RNF169: variants seen among roughly 807,000 people sequenced by gnomAD.
RNF169 encodes ring finger protein 169.
A neutral mutation model predicts 53.9 loss-of-function variants in RNF169; 24 were observed. That is an observed-to-expected ratio of 0.45 (90% CI 0.32 to 0.63). The LOEUF is 0.63. Ranked by LOEUF, RNF169 falls within the 20% of genes least tolerant of loss-of-function variation. The pLI is 0.04. For synonymous variants in RNF169, 396 were observed against 363.5 expected, an observed-to-expected ratio of 1.09 and a Z score of -1.02; for missense variants, 883 against 906.2, an observed-to-expected ratio of 0.97 and a Z score of 0.33.
chr11:74,760,058 A>T (rs2135310057), intron 1 of RNF169, among the ~76,000 whole-genome samples: 2 of 151,530 alleles, frequency 1.3e-5, no homozygotes, highest in East Asian at 3.9e-4. Flanking sequence ...TGTGTCGAGG[A>T]ATGTATCCAT....
intron 2 of RNF169, among the ~76,000 whole-genome samples, chr11:74,797,146 G>A (rs998227281): frequency 3.0e-4 from 45 of 152,218 alleles, no homozygotes; most frequent in African/African-American, 1.1e-3. Context: ...TTACTGAAGT[G>A]ATTAGTAGCT....
intron 1 of RNF169, among the ~76,000 whole-genome samples, chr11:74,766,298 A>G (rs970791555): frequency 6.6e-6 from 1 of 152,222 alleles, no homozygotes; most frequent in Non-Finnish European, 1.5e-5. Flanking sequence ...AGAATATGGG[A>G]AAACTGTGGG....
intron 1 of RNF169, among the ~76,000 whole-genome samples, chr11:74,756,106 C>T (rs965540083): frequency 1.3e-5 from 2 of 152,000 alleles, no homozygotes; most frequent in African/African-American, 4.8e-5. Flanking sequence ...GCAGTGTTAA[C>T]TTCAGTCATT....
intron 1 of RNF169, among the ~76,000 whole-genome samples, chr11:74,750,588 CTTTTTTTTT>C (rs71036015): frequency 5.3e-4 from 29 of 54,548 alleles, no homozygotes; most frequent in African/African-American, 2.2e-3. Flanking sequence ...CTCCCCTCAC[CTTTTTTTTT>C]TTTTTTTTTT....
At chr11:74,804,253 C>G (rs914415623) in intron 2 of RNF169, among the ~76,000 whole-genome samples, 3 of 152,142 alleles carry the variant, frequency 2.0e-5, no homozygotes, top group Admixed American at 6.5e-5. Context: ...TGGTTCCCAT[C>G]TTATGCCCGG....
At chr11:74,762,703 G>T (rs1012017724) in intron 1 of RNF169, among the ~76,000 whole-genome samples, 3 of 152,050 alleles carry the variant, frequency 2.0e-5, no homozygotes, top group Admixed American at 6.6e-5. Context: ...AACAAAAATG[G>T]AACTACAAAC....
intron 1 of RNF169, among the ~76,000 whole-genome samples, chr11:74,775,927 A>C (rs1236366523): frequency 6.6e-6 from 1 of 152,204 alleles, no homozygotes; most frequent in Admixed American, 6.5e-5. Flanking sequence ...TAAATACTTA[A>C]TGAAGGAAAA....
At chr11:74,796,844 C>T (rs1175786373) in intron 2 of RNF169, among the ~76,000 whole-genome samples, 5 of 152,044 alleles carry the variant, frequency 3.3e-5, no homozygotes, top group South Asian at 2.1e-4. Context: ...TTTCTTCCTC[C>T]GTTCTGGTTC....
chr11:74,834,375 T>G (rs1356740668), intron 4 of RNF169, among the ~76,000 whole-genome samples: 1 of 152,238 alleles, frequency 6.6e-6, no homozygotes, highest in East Asian at 1.9e-4. Flanking sequence ...CTATTAAGGA[T>G]AGTGAAGTAT....
At chr11:74,769,030 CAA>C (rs959981550) in intron 1 of RNF169, among the ~76,000 whole-genome samples, 5 of 151,752 alleles carry the variant, frequency 3.3e-5, no homozygotes, top group African/African-American at 1.2e-4. Flanking sequence ...GACCCTGCCT[CAA>C]AAGAAACAAA....
At chr11:74,826,010 G>A (rs1354198166) in intron 4 of RNF169, among the ~76,000 whole-genome samples, 1 of 152,176 alleles carries the variant, frequency 6.6e-6, no homozygotes, top group Non-Finnish European at 1.5e-5. Flanking sequence ...AATGAATGAA[G>A]GGGGAAGAGG....
At chr11:74,777,313 C>G (rs930558832) in intron 1 of RNF169, among the ~76,000 whole-genome samples, 21 of 152,254 alleles carry the variant, frequency 1.4e-4, no homozygotes, top group African/African-American at 5.1e-4. Flanking sequence ...AGGAATAATT[C>G]TTTGCCTCAA....
In RNF169 at chr11:74,751,352, G is replaced by A. The variant is rs1204287119; in HGVS notation, c.502+1970G>A. Among the ~76,000 whole-genome samples the A allele has an allele frequency of 2.6e-5, 4 of 152,154 alleles. No individual in the cohort carries two copies. In the East Asian group the frequency reaches 7.7e-4, roughly 29 times the overall value. ...TTTAATTTTGTGGATGTGGTGTGAT[G>A]GTTTCATATGCTACTTAATTTGCTT... On this transcript the variant is annotated intron_variant, in intron 1 of 5. Coordinates refer to ENST00000299563, the MANE Select transcript of RNF169 (RefSeq NM_001098638.2).
At chr11:74,775,064 G>C (rs1157099077) in intron 1 of RNF169, among the ~76,000 whole-genome samples, 1 of 152,122 alleles carries the variant, frequency 6.6e-6, no homozygotes, top group Non-Finnish European at 1.5e-5. Context: ...CAGATAAATG[G>C]GTCAGTACCT....
At chr11:74,804,710 CTCTT>C (rs2035780335) in intron 2 of RNF169, among the ~76,000 whole-genome samples, 1 of 152,158 alleles carries the variant, frequency 6.6e-6, no homozygotes, top group African/African-American at 2.4e-5. Flanking sequence ...AGGAACTTAA[CTCTT>C]TTATACCAGT....
chr11:74,802,693 C>G (rs2035749484), intron 2 of RNF169, among the ~76,000 whole-genome samples: 1 of 152,110 alleles, frequency 6.6e-6, no homozygotes, highest in Non-Finnish European at 1.5e-5. Flanking sequence ...TTGTGAGCAA[C>G]TTTGTCATTT....
chr11:74,775,674 T>G (rs2135331528), intron 1 of RNF169, among the ~76,000 whole-genome samples: 1 of 152,330 alleles, frequency 6.6e-6, no homozygotes, highest in South Asian at 2.1e-4. Context: ...GGCAAATTTA[T>G]ACTCATCCTT....
At chr11:74,751,059 C>G (rs765892248) in intron 1 of RNF169, among the ~76,000 whole-genome samples, 1 of 151,696 alleles carries the variant, frequency 6.6e-6, no homozygotes, top group Non-Finnish European at 1.5e-5. Flanking sequence ...TTAGTAGAGA[C>G]GGGGTTTCGC....
At chr11:74,774,692 T>A (rs1397967574) in intron 1 of RNF169, among the ~76,000 whole-genome samples, 1 of 152,128 alleles carries the variant, frequency 6.6e-6, no homozygotes, top group Non-Finnish European at 1.5e-5. Flanking sequence ...TAGTGGCTCA[T>A]GCCTGTAATC....
Sources: gnomAD v4.1 joint callset for allele counts (sites outside exome capture counted in the v4.1 genomes callset) on GRCh38, gnomAD v4.1.1 for gene constraint, MANE v1.5 for transcripts, NCBI Gene and HGNC (gene_info 2026-07-23, HGNC 2026-07-21) for gene names.